Variants in GPR158 observed in about 807,000 individuals in gnomAD.
GPR158 encodes the protein G protein-coupled receptor 158, also known as metabotropic glycine receptor.
GPR158 carries 30 observed loss-of-function variants against 78.2 expected under a neutral mutation model. The observed-to-expected ratio is 0.38, with a 90% confidence interval of 0.29 to 0.52. The LOEUF is 0.52. GPR158 is among the 20% of genes least tolerant of loss of function. The pLI is 0.83. For missense variants in GPR158, 1,463 were observed against 1,523.5 expected, an observed-to-expected ratio of 0.96 and a Z score of 0.66; for synonymous variants, 581 against 591.1, an observed-to-expected ratio of 0.98 and a Z score of 0.25.
chr10:25,366,693 T>A (rs528096331), intron 2 of GPR158, among the ~76,000 whole-genome samples: 1 of 151,720 alleles, frequency 6.6e-6, no homozygotes, highest in Admixed American at 6.6e-5. Context: ...AGCTGAAATT[T>A]TGTATTCTTT....
At chr10:25,540,240 G>C (rs1417232324) in intron 5 of GPR158, among the ~76,000 whole-genome samples, 4 of 152,126 alleles carry the variant, frequency 2.6e-5, no homozygotes, top group Non-Finnish European at 4.4e-5. Context: ...AAACCACAAT[G>C]AGATACCATC....
chr10:25,307,148 A>G (rs1854689003), intron 2 of GPR158, among the ~76,000 whole-genome samples: 1 of 152,166 alleles, frequency 6.6e-6, no homozygotes, highest in Non-Finnish European at 1.5e-5. Flanking sequence ...TAAGATAATG[A>G]AAGTTGATCT....
At chr10:25,571,246 A>G (rs989756942) in intron 6 of GPR158, among the ~76,000 whole-genome samples, 3 of 152,210 alleles carry the variant, frequency 2.0e-5, no homozygotes, top group Non-Finnish European at 4.4e-5. Context: ...ATCTGTTACT[A>G]TATTTCTGAC....
intron 1 of GPR158, among the ~76,000 whole-genome samples, chr10:25,214,999 G>A (rs1380450610): frequency 6.6e-6 from 1 of 151,140 alleles, no homozygotes; most frequent in Non-Finnish European, 1.5e-5. Context: ...CCCATAGAAA[G>A]TTTTATTTCA....
At chr10:25,247,991 T>G (rs930664881) in intron 2 of GPR158, among the ~76,000 whole-genome samples, 48 of 151,682 alleles carry the variant, frequency 3.2e-4, no homozygotes, top group Non-Finnish European at 6.0e-4. Flanking sequence ...TTTCCTGACT[T>G]TTTAATGATT....
At chr10:25,268,058 G>A (rs1854066084) in intron 2 of GPR158, among the ~76,000 whole-genome samples, 1 of 151,144 alleles carries the variant, frequency 6.6e-6, no homozygotes, top group South Asian at 2.1e-4. Context: ...TCTTTTTTTT[G>A]CAAGCAGTAA....
chr10:25,357,845 C>CAGA (rs1218069122), intron 2 of GPR158, among the ~76,000 whole-genome samples: 1 of 152,016 alleles, frequency 6.6e-6, no homozygotes, highest in Non-Finnish European at 1.5e-5. Context: ...CACCATAGTC[C>CAGA]AGATACCAGA....
rs190214278 is a variant in GPR158 at position 25,230,717 on chromosome 10, A to G, written c.1008+9560A>G. Among the ~76,000 whole-genome samples, 307 of 152,328 alleles carry G rather than the reference A, an allele frequency of 2.0e-3. 2 individuals are homozygous for G. The highest frequency in any genetic ancestry group is 6.8e-3 in the African/African-American group (282 of 41,588). On this transcript the variant is annotated intron_variant, in intron 2 of 10. Coordinates refer to ENST00000376351, the MANE Select transcript of GPR158 (RefSeq NM_020752.3). ...AACTGCAGAAGGCTCTGTTTACCTC[A>G]ATGTAACTGGAACTTTTTAATAATC...
At chr10:25,344,608 G>A (rs1485314964) in intron 2 of GPR158, among the ~76,000 whole-genome samples, 1 of 151,926 alleles carries the variant, frequency 6.6e-6, no homozygotes, top group Admixed American at 6.6e-5. Context: ...AAATACTGAA[G>A]TCTAAACATG....
intron 3 of GPR158, among the ~76,000 whole-genome samples, chr10:25,410,111 T>A (rs1441652242): frequency 6.6e-6 from 1 of 152,214 alleles, no homozygotes; most frequent in Non-Finnish European, 1.5e-5. Context: ...CCTCCCTGTA[T>A]AGCATCTCCC....
intron 5 of GPR158, among the ~76,000 whole-genome samples, chr10:25,550,481 C>T (rs940693174): frequency 1.3e-5 from 2 of 152,046 alleles, no homozygotes; most frequent in Non-Finnish European, 2.9e-5. Context: ...TGGGAACAAT[C>T]GGCTCTGGGG....
At chr10:25,254,179 C>T (rs961492023) in intron 2 of GPR158, among the ~76,000 whole-genome samples, 1 of 152,164 alleles carries the variant, frequency 6.6e-6, no homozygotes, top group Admixed American at 6.5e-5. Flanking sequence ...TTATAAAATA[C>T]TGTCCAAGAA....
intron 4 of GPR158, among the ~76,000 whole-genome samples, chr10:25,426,859 T>C (rs1038771073): frequency 6.6e-6 from 1 of 152,104 alleles, no homozygotes; most frequent in Non-Finnish European, 1.5e-5. Context: ...TTATAAACAA[T>C]GCAGTATCTG....
intron 4 of GPR158, among the ~76,000 whole-genome samples, chr10:25,448,672 T>G (rs1291529258): frequency 1.3e-5 from 2 of 152,200 alleles, no homozygotes; most frequent in Non-Finnish European, 2.9e-5. Context: ...TGTGTTTAAT[T>G]TTATAAAAAG....
intron 3 of GPR158, among the ~76,000 whole-genome samples, chr10:25,405,014 C>T (rs1056436550): frequency 2.6e-5 from 4 of 151,982 alleles, no homozygotes; most frequent in South Asian, 2.1e-4. Context: ...TTCTCTATTT[C>T]GAAAGGTTGA....
At chr10:25,316,359 C>T (rs2130470802) in intron 2 of GPR158, among the ~76,000 whole-genome samples, 1 of 152,230 alleles carries the variant, frequency 6.6e-6, no homozygotes, top group African/African-American at 2.4e-5. Flanking sequence ...ATACATATAA[C>T]AGTTCTATTT....
intron 5 of GPR158, among the ~76,000 whole-genome samples, chr10:25,467,719 G>A (rs933904353): frequency 6.6e-6 from 1 of 152,134 alleles, no homozygotes; most frequent in Non-Finnish European, 1.5e-5. Context: ...GGTCTGGGTG[G>A]AAAGTAGTAG....
chr10:25,323,890 T>A (rs1854991097), intron 2 of GPR158, among the ~76,000 whole-genome samples: 1 of 152,204 alleles, frequency 6.6e-6, no homozygotes, highest in Admixed American at 6.5e-5. Flanking sequence ...CTTGCACTTT[T>A]ATGTTATAGA....
chr10:25,356,727 A>T (rs1158908877), intron 2 of GPR158, among the ~76,000 whole-genome samples: 2 of 152,056 alleles, frequency 1.3e-5, no homozygotes. Context: ...AGTCCAATAA[A>T]CCTCTTTCTT....
Sources: gnomAD v4.1 joint callset for allele counts (sites outside exome capture counted in the v4.1 genomes callset) on GRCh38, gnomAD v4.1.1 for gene constraint, MANE v1.5 for transcripts, NCBI Gene and HGNC (gene_info 2026-07-23, HGNC 2026-07-21) for gene names.